RPUSD2: variants seen among roughly 807,000 people sequenced by gnomAD.
RPUSD2 encodes the protein pseudouridylate synthase RPUSD2.
A neutral mutation model predicts 41.5 loss-of-function variants in RPUSD2; 31 were observed. That is an observed-to-expected ratio of 0.75 (90% CI 0.56 to 1.01). The LOEUF is 1.01. Ranked by LOEUF, RPUSD2 falls within the 50% of genes least tolerant of loss-of-function variation. The pLI is 0.00. For missense variants in RPUSD2, 749 were observed against 724.7 expected (o/e 1.03, Z -0.38); for synonymous variants, 305 against 289.7 (o/e 1.05, Z -0.54).
In RPUSD2 at chr15:40,569,303, C is replaced by T. The variant is rs1174181422; in HGVS notation, c.-35C>T. ...CTGGGGCCGAGTGACGTCCTCAGAT[C>T]GCGACCCTGGGAGTGGAGTGGGGGC... On this transcript the variant is annotated 5_prime_UTR_variant, in exon 1 of 3. Coordinates refer to ENST00000315616, the MANE Select transcript of RPUSD2 (RefSeq NM_152260.3). 2 of 1,432,636 alleles carry T rather than the reference C, an allele frequency of 1.4e-6. No homozygotes were observed. The highest frequency in any genetic ancestry group is 1.5e-5 in the African/African-American group (1 of 68,854). The allele number at this position is 1,432,636 out of a possible 1,614,324, so 88.7% of individuals were successfully genotyped here. A position where few individuals can be genotyped will look rare whatever the true frequency, so the allele number is the denominator to read the frequency against.
Position 40,573,557 on chromosome 15 carries a change from G to A in RPUSD2, c.934G>A (p.Gly312Arg). ...LEKEYVCRVE[G>R]EFPTEEVTCK... is the part of the protein sequence containing the mutation. ...GAAGGAGTACGTGTGCCGGGTGGAAGGGGAGTTCCCCACTGAGGAAGTGAC... is the reference window on the plus strand; with the variant it reads ...GAAGGAGTACGTGTGCCGGGTGGAAAGGGAGTTCCCCACTGAGGAAGTGAC... Residue 312 changes from glycine (G) to arginine (R), a missense_variant, in exon 3 of 3, where the codon GGG becomes AGG. Transcript: ENST00000315616. The A allele has an allele frequency of 6.2e-7, 1 of 1,613,984 alleles. No homozygotes were observed. The highest frequency in any genetic ancestry group is 1.1e-5 in the South Asian group (1 of 91,060).
Position 40,573,612 on chromosome 15 carries a change from A to G in RPUSD2, c.989A>G (p.Tyr330Cys), listed in dbSNP as rs1323669218. Residue 330 changes from tyrosine (Y) to cysteine (C), a missense_variant, in exon 3 of 3, where the codon TAC becomes TGC. Coordinates refer to ENST00000315616, the MANE Select transcript of RPUSD2 (RefSeq NM_152260.3). Reference protein sequence around the residue: ...TCKEPILVVSYKVGVCRVDPR... With the variant: ...TCKEPILVVSCKVGVCRVDPR... ...AAAGAACCCATCTTAGTGGTGTCTT[A>G]CAAAGTAGGGGTGTGCCGTGTAGAT... 3 of 1,614,164 alleles carry G rather than the reference A, an allele frequency of 1.9e-6. No individual in the cohort carries two copies. The South Asian group carries it at 3.3e-5, about 18-fold the overall frequency.
rs1015944076 is a variant in RPUSD2, at chr15:40,573,805, G to C, written c.1182G>C (p.Trp394Cys). The change falls in exon 3 of 3, where the codon TGG (tryptophan) becomes TGC (cysteine). Residue 394 changes from tryptophan (W) to cysteine (C), a missense_variant. By Grantham distance (215) the Trp-to-Cys change is radical. Coordinates refer to ENST00000315616, the MANE Select transcript of RPUSD2 (RefSeq NM_152260.3). ...ACCCCATCTACAACTCAGTTGCCTG[G>C]GGTCCTTCTCGAGGCCGGGGCGGCT... ...LNDPIYNSVA[W>C]GPSRGRGGYI... 6.2e-7 allele frequency: 1 copy of C among 1,614,170 alleles called. No individual in the cohort carries two copies. The highest frequency in any genetic ancestry group is 1.3e-5 in the African/African-American group (1 of 75,028).
At chr15:40,570,390 A>G (rs1439874713) in intron 1 of RPUSD2, among the ~76,000 whole-genome samples, 2 of 152,168 alleles carry the variant, frequency 1.3e-5, no homozygotes, top group African/African-American at 4.8e-5. Context: ...TGAAGTAGGT[A>G]TTGCCACTCC....
intron 1 of RPUSD2, among the ~76,000 whole-genome samples, chr15:40,571,054 G>A (rs915776765): frequency 7.9e-5 from 12 of 151,428 alleles, no homozygotes; most frequent in African/African-American, 2.7e-4. Context: ...GTGTAGTGGC[G>A]CGATCTCGGC....
chr15:40,571,289 T>TA (rs1891132495), intron 1 of RPUSD2, among the ~76,000 whole-genome samples: 1 of 152,160 alleles, frequency 6.6e-6, no homozygotes, highest in South Asian at 2.1e-4. Flanking sequence ...GCTAAAAAAT[T>TA]TTACCTTTTA....
In RPUSD2 at chr15:40,573,613, C is replaced by A. The variant is rs1891187302; in HGVS notation, c.990C>A (p.Tyr330Ter). ...AAGAACCCATCTTAGTGGTGTCTTA[C>A]AAAGTAGGGGTGTGCCGTGTAGATC... is the stretch of plus-strand genomic sequence containing the variant. ...TCKEPILVVS[Y>*]KVGVCRVDPR... The change falls in exon 3 of 3, where the codon TAC becomes TAA. Residue 330 changes from tyrosine (Y) to a stop codon, truncating the protein, a stop_gained. Transcript: ENST00000315616. LOFTEE classifies it high-confidence loss of function. The A allele has an allele frequency of 1.9e-6, 3 of 1,614,166 alleles. No individual in the cohort carries two copies. In the East Asian group the frequency reaches 6.7e-5, roughly 36 times the overall value.
Position 40,569,620 on chromosome 15 carries a change from G to A in RPUSD2, c.283G>A (p.Gly95Ser). Residue 95 changes from glycine (G) to serine (S), a missense_variant, in exon 1 of 3, where the codon GGC becomes AGC. By Grantham distance (56) the Gly-to-Ser change is moderately conservative (BLOSUM62 0). Transcript: ENST00000315616. ...GGEHPSAAAP[G>S]PGKHKKRRGA... The stretch of plus-strand genomic sequence containing the variant: ...GGAGCATCCCTCGGCTGCAGCCCCA[G>A]GCCCGGGCAAGCATAAGAAGCGGCG... 6.5e-7 allele frequency: 1 copy of A among 1,538,906 alleles called. No homozygotes were observed.
chr15:40,573,921 G>T lies in RPUSD2; in HGVS notation c.1298G>T (p.Gly433Val), dbSNP rs772167195. Residue 433 changes from glycine to valine, a missense_variant, in exon 3 of 3, where the codon GGT (glycine) becomes GTT (valine). Coordinates refer to ENST00000315616, the MANE Select transcript of RPUSD2 (RefSeq NM_152260.3). ...CTGGATGTGCTAGATCTCTGTGAGG[G>T]TGACCTGTCCCCAGGACTCACAGAC... ...QSLDVLDLCE[G>V]DLSPGLTDST... The T allele has an allele frequency of 3.7e-6, 6 of 1,614,150 alleles. No homozygotes were observed. The highest frequency in any genetic ancestry group is 1.1e-5 in the South Asian group (1 of 91,080).
intron 1 of RPUSD2, 134 bp downstream of exon 1, chr15:40,570,077 C>A (rs906996127): frequency 2.4e-6 from 3 of 1,257,174 alleles, no homozygotes; most frequent in Non-Finnish European, 3.2e-6. Flanking sequence ...AGCGTTCTCG[C>A]TTTCATTTGG....
rs186276911 is a variant in RPUSD2 at position 40,573,642 on chromosome 15, G to A, written c.1019G>A (p.Arg340Gln). 4.7e-5 allele frequency: 75 copies of A among 1,610,980 alleles called. No individual in the cohort carries two copies. In the Middle Eastern group the frequency reaches 8.3e-4, roughly 18 times the overall value. ...GTAGGGGTGTGCCGTGTAGATCCCC[G>A]GGGCAAGCCCTGTGAGACAGTGTTC... ...YKVGVCRVDPRGKPCETVFQR... is the reference protein window; with the variant it reads ...YKVGVCRVDPQGKPCETVFQR... Residue 340 changes from arginine to glutamine, a missense_variant, in exon 3 of 3, where the codon CGG (arginine) becomes CAG (glutamine). Transcript: ENST00000315616.
At chr15:40,570,042 T>G (rs919825351) in intron 1 of RPUSD2, 99 bp downstream of exon 1, 111 of 1,380,132 alleles carry the variant, frequency 8.0e-5, no homozygotes, top group Non-Finnish European at 9.6e-5. Context: ...GCATAGGTAC[T>G]GGATTAAAAT....
At chr15:40,571,361 CCCAGAGA>C (rs1891135206) in intron 1 of RPUSD2, among the ~76,000 whole-genome samples, 8 of 152,346 alleles carry the variant, frequency 5.3e-5, no homozygotes, top group Admixed American at 4.6e-4. Context: ...AATCTAACCA[CCCAGAGA>C]TAACACAGTT....
chr15:40,569,790 C>T lies in RPUSD2; in HGVS notation c.453C>T (p.Thr151=). 1 of 1,613,020 alleles carries T rather than the reference C, an allele frequency of 6.2e-7. No individual in the cohort carries two copies. Among genetic ancestry groups the T allele is most frequent in the Non-Finnish European group, 8.5e-7 (1 of 1,179,598 alleles). Reference sequence around the variant, plus strand: ...GGCCCTATTACTTTGACTTCCGGACCTACTGCAAAGGTCGCTGGGTGGGCC... The same window carrying T: ...GGCCCTATTACTTTGACTTCCGGACTTACTGCAAAGGTCGCTGGGTGGGCC... ...KVRPYYFDFR[T]YCKGRWVGHS... Residue 151 remains threonine, a synonymous_variant, in exon 1 of 3, where the codon ACC becomes ACT. Coordinates refer to ENST00000315616, the MANE Select transcript of RPUSD2 (RefSeq NM_152260.3).
At position 40,569,821 on chromosome 15, in the gene RPUSD2, T is replaced by G; in HGVS notation, c.484T>G (p.Leu162Val). Residue 162 changes from leucine (L) to valine (V), a missense_variant, in exon 1 of 3, where the codon TTG becomes GTG. Physicochemically the swap from Leu to Val is conservative, Grantham distance 32 (BLOSUM62 1). Coordinates refer to ENST00000315616, the MANE Select transcript of RPUSD2 (RefSeq NM_152260.3). ...CAAAGGTCGCTGGGTGGGCCACAGC[T>G]TGCTGCACGTCTTCAGTACCGAGTT... Reference protein sequence around the residue: ...YCKGRWVGHSLLHVFSTEFRA... With the variant: ...YCKGRWVGHSVLHVFSTEFRA... The G allele has an allele frequency of 1.2e-6, 2 of 1,613,444 alleles. No individual in the cohort carries two copies. The highest frequency in any genetic ancestry group is 1.1e-5 in the South Asian group (1 of 90,796).
chr15:40,570,952 T>C (rs771878840), intron 1 of RPUSD2, among the ~76,000 whole-genome samples: 66 of 152,282 alleles, frequency 4.3e-4, no homozygotes, highest in Admixed American at 3.1e-3. Context: ...TGATGATTTA[T>C]GGAGGTTTTT....
At chr15:40,572,038 C>A in intron 2 of RPUSD2, 138 bp downstream of exon 2, 1 of 898,022 alleles carries the variant, frequency 1.1e-6, no homozygotes, top group Non-Finnish European at 1.7e-6. Flanking sequence ...TAAGGCAGGT[C>A]AACACCTAAA....
At chr15:40,571,073 A>G (rs1001541998) in intron 1 of RPUSD2, among the ~76,000 whole-genome samples, 4 of 151,712 alleles carry the variant, frequency 2.6e-5, no homozygotes, top group Non-Finnish European at 2.9e-5. Context: ...GCTCACTGCA[A>G]CCTCCGCCTC....
intron 2 of RPUSD2, 29 bp from the exon 3 acceptor site, chr15:40,573,498 T>C (rs1891183749): frequency 6.3e-7 from 1 of 1,586,604 alleles, no homozygotes; most frequent in South Asian, 1.2e-5. Context: ...GGCTTTGTAC[T>C]GACTTTCTCC....
Sources: allele counts gnomAD v4.1 joint callset (sites outside exome capture counted in the v4.1 genomes callset), GRCh38; gene constraint gnomAD v4.1.1; transcripts MANE v1.5; gene names NCBI Gene and HGNC (gene_info 2026-07-23, HGNC 2026-07-21).